The following TNIK variants were observed in gnomAD, a reference collection of about 807,000 sequenced individuals.
TNIK encodes the protein TRAF2 and NCK interacting kinase.
In TNIK, 49 loss-of-function variants were observed where a neutral mutation model predicts 191.3. The observed-to-expected ratio is 0.26, with a 90% CI of 0.20 to 0.32. The LOEUF (loss-of-function observed/expected upper bound fraction) is 0.32. TNIK is among the 10% of genes least tolerant of loss of function. The pLI, the probability that TNIK is intolerant of heterozygous loss-of-function variation, is 1.00. For missense variants in TNIK, 1,155 were observed against 1,702.3 expected, an observed-to-expected ratio of 0.68 and a Z score of 5.66; for synonymous variants, 594 against 600.9, an observed-to-expected ratio of 0.99 and a Z score of 0.17.
chr3:171,129,307 G>T (rs1728925190), intron 15 of TNIK, among the ~76,000 whole-genome samples: 2 of 152,156 alleles, frequency 1.3e-5, no homozygotes, highest in African/African-American at 2.4e-5. Flanking sequence ...TTGACTCATG[G>T]AACATGAGAG....
chr3:171,456,873 A>G (rs1728850907), intron 1 of TNIK, among the ~76,000 whole-genome samples: 1 of 152,266 alleles, frequency 6.6e-6, no homozygotes, highest in African/African-American at 2.4e-5. Context: ...AGAAAAGAGC[A>G]CTGAATGAGG....
At chr3:171,444,304 C>T (rs1199421845) in intron 1 of TNIK, among the ~76,000 whole-genome samples, 1 of 152,186 alleles carries the variant, frequency 6.6e-6, no homozygotes, top group Non-Finnish European at 1.5e-5. Context: ...AGGAAATCTT[C>T]AACCTGCTGT....
chr3:171,150,485 A>G (rs974337904), intron 12 of TNIK, among the ~76,000 whole-genome samples: 6 of 152,204 alleles, frequency 3.9e-5, no homozygotes, highest in African/African-American at 1.4e-4. Flanking sequence ...TTCACTCAGC[A>G]CAAGATCTCT....
At chr3:171,349,275 T>G (rs563462092) in intron 2 of TNIK, among the ~76,000 whole-genome samples, 2 of 152,214 alleles carry the variant, frequency 1.3e-5, no homozygotes, top group Admixed American at 6.5e-5. Flanking sequence ...ACATATCATA[T>G]TTTTCAGAAT....
chr3:171,231,749 T>G (rs549049569), intron 2 of TNIK, among the ~76,000 whole-genome samples: 89 of 152,278 alleles, frequency 5.8e-4, no homozygotes, highest in African/African-American at 2.0e-3. Flanking sequence ...GCACAGTCAT[T>G]GTAAGACAGT....
intron 4 of TNIK, among the ~76,000 whole-genome samples, chr3:171,197,219 C>T (rs185018816): frequency 6.6e-6 from 1 of 151,952 alleles, no homozygotes; most frequent in African/African-American, 2.4e-5. Flanking sequence ...GATGTTAAAC[C>T]TTTACCTCAC....
intron 13 of TNIK, among the ~76,000 whole-genome samples, 175 bp from the exon 14 acceptor site, chr3:171,139,731 C>T (rs1022421866): frequency 6.6e-6 from 1 of 152,176 alleles, no homozygotes; most frequent in Non-Finnish European, 1.5e-5. Flanking sequence ...AAATGCATTT[C>T]AACATAATGA....
chr3:171,129,591 G>C (rs1321356874), intron 15 of TNIK, among the ~76,000 whole-genome samples: 3 of 151,962 alleles, frequency 2.0e-5, no homozygotes, highest in Non-Finnish European at 4.4e-5. Flanking sequence ...CTACACATGT[G>C]GTGTTCATTC....
chr3:171,177,238 A>G (rs1326449189), intron 8 of TNIK, 88 bp downstream of exon 8: 25 of 1,419,474 alleles, frequency 1.8e-5, no homozygotes, highest in African/African-American at 5.7e-5. Flanking sequence ...GTGTAGTGGA[A>G]GTAAAGCAAC....
At chr3:171,241,512 A>T (rs1744990416) in intron 2 of TNIK, among the ~76,000 whole-genome samples, 1 of 152,238 alleles carries the variant, frequency 6.6e-6, no homozygotes, top group Non-Finnish European at 1.5e-5. Context: ...AATTCTATTT[A>T]AATTCTCTCT....
At chr3:171,327,785 C>T (rs552102884) in intron 2 of TNIK, among the ~76,000 whole-genome samples, 2 of 151,720 alleles carry the variant, frequency 1.3e-5, no homozygotes, top group South Asian at 2.1e-4. Context: ...GAAGGTGTAA[C>T]GGGTGCCCCT....
chr3:171,121,497 TG>T lies in TNIK; in HGVS notation c.2120+2098del, dbSNP rs371941524. 4.1e-4 allele frequency among the ~76,000 whole-genome samples: 63 copies of T among 152,322 alleles called. 1 individual carries two copies. In the East Asian group the frequency reaches 0.011, roughly 27 times the overall value. On this transcript the variant is annotated intron_variant, in intron 18 of 32. Coordinates refer to ENST00000436636, the MANE Select transcript of TNIK (RefSeq NM_015028.4). Reference sequence around the variant, plus strand: ...AGCTTTCTCTCTTGAGATGCTCTTCTGAGATCACCAAAGGGTAAAGAAGCCC... The same window carrying T: ...AGCTTTCTCTCTTGAGATGCTCTTCTAGATCACCAAAGGGTAAAGAAGCCC...
intron 2 of TNIK, among the ~76,000 whole-genome samples, chr3:171,356,696 C>G (rs910845819): frequency 6.6e-6 from 1 of 152,116 alleles, no homozygotes; most frequent in African/African-American, 2.4e-5. Flanking sequence ...ATAATTTAGG[C>G]GACTCGATCA....
At chr3:171,320,992 G>C (rs1755113545) in intron 2 of TNIK, among the ~76,000 whole-genome samples, 1 of 152,198 alleles carries the variant, frequency 6.6e-6, no homozygotes, top group South Asian at 2.1e-4. Flanking sequence ...CAACGAAGCA[G>C]GGTGTCGGGT....
In TNIK at chr3:171,094,106, A is replaced by G. The variant is rs1037655356; in HGVS notation, c.2592-138T>C. 7.0e-5 allele frequency: 82 copies of G among 1,174,122 alleles called. 2 individuals are homozygous for G. The highest frequency in any genetic ancestry group is 2.4e-4 in the South Asian group (13 of 54,952). 72.7% of individuals were successfully genotyped at this position (1,174,122 alleles called of 1,614,324 possible). On this transcript the variant is annotated intron_variant, in intron 22 of 32. Transcript: ENST00000436636. ...TTACCATTGTACCAATTTTAAGTGT[A>G]CATGTCAGTGGTCTTAAGTACATCT...
At chr3:171,140,545 AGGCCCC>A (rs763712490) in intron 12 of TNIK, 36 bp from the exon 13 acceptor site, 1 of 1,602,350 alleles carries the variant, frequency 6.2e-7, no homozygotes, top group South Asian at 1.1e-5. Flanking sequence ...TGAAGGCAAC[AGGCCCC>A]GGTGGGGGGT....
At chr3:171,073,845 CAAA>C (rs562403849) in intron 28 of TNIK, among the ~76,000 whole-genome samples, 9 of 97,878 alleles carry the variant, frequency 9.2e-5, no homozygotes, top group Admixed American at 2.1e-4. Context: ...ACTAAAAGGT[CAAA>C]AAAAAAAAAA....
chr3:171,404,777 C>G (rs1011284885), intron 1 of TNIK, among the ~76,000 whole-genome samples: 14 of 152,236 alleles, frequency 9.2e-5, no homozygotes, highest in African/African-American at 3.4e-4. Flanking sequence ...TTTTTCCAAG[C>G]TCATAATTGA....
At chr3:171,092,743 G>A (rs1260520409) in intron 23 of TNIK, among the ~76,000 whole-genome samples, 5 of 152,166 alleles carry the variant, frequency 3.3e-5, no homozygotes, top group African/African-American at 1.2e-4. Context: ...TATTTCAAAG[G>A]CCTTATTCAT....
Sources: allele counts gnomAD v4.1 joint callset (sites outside exome capture counted in the v4.1 genomes callset), GRCh38; gene constraint gnomAD v4.1.1; transcripts MANE v1.5; gene names NCBI Gene and HGNC (gene_info 2026-07-23, HGNC 2026-07-21).